Variants in FRMD4B observed in about 807,000 individuals in gnomAD.
The protein encoded by FRMD4B is FERM domain containing 4B.
A neutral mutation model predicts 141.5 loss-of-function variants in FRMD4B; 74 were observed. That is an observed-to-expected ratio of 0.52 (90% CI 0.43 to 0.63). The LOEUF (loss-of-function observed/expected upper bound fraction) is 0.63. FRMD4B is among the 30% of genes least tolerant of loss of function. The probability of loss-of-function intolerance (pLI) is 0.00; values close to 1 mark genes in which losing one functional copy is unlikely to be tolerated. For synonymous variants in FRMD4B, 506 were observed against 467.9 expected (o/e 1.08, Z -1.05); for missense variants, 1,366 against 1,253.4 (o/e 1.09, Z -1.36).
intron 2 of FRMD4B, among the ~76,000 whole-genome samples, chr3:69,410,864 T>G (rs1348578836): frequency 8.6e-5 from 13 of 150,650 alleles, no homozygotes; most frequent in Non-Finnish European, 3.0e-5. Context: ...GCTCAAGGAA[T>G]CCTCCCATCT....
chr3:69,474,444 G>A (rs1575815269), intron 1 of FRMD4B, among the ~76,000 whole-genome samples: 1 of 152,082 alleles, frequency 6.6e-6, no homozygotes, highest in African/African-American at 2.4e-5. Context: ...TCTAGTGTGT[G>A]TTCCAAGGGG....
chr3:69,383,288 G>C (rs368641517), intron 1 of FRMD4B, among the ~76,000 whole-genome samples: 2 of 152,102 alleles, frequency 1.3e-5, no homozygotes, highest in East Asian at 3.8e-4. Context: ...TATTTGAAAA[G>C]CATTAAAAAA....
At chr3:69,193,607 G>C (rs1157543874) in intron 17 of FRMD4B, 41 bp downstream of exon 17, 3 of 1,031,462 alleles carry the variant, frequency 2.9e-6, no homozygotes, top group Non-Finnish European at 2.8e-6. Flanking sequence ...ATGAAGTACT[G>C]AGTAGGGGAC....
chr3:69,208,909 G>A (rs1404472835), intron 11 of FRMD4B, among the ~76,000 whole-genome samples: 1 of 152,226 alleles, frequency 6.6e-6, no homozygotes, highest in Non-Finnish European at 1.5e-5. Context: ...ACTTTGGGAG[G>A]CTGAGGCAGG....
intron 2 of FRMD4B, among the ~76,000 whole-genome samples, chr3:69,403,713 T>C (rs1259381515): frequency 6.6e-6 from 1 of 152,064 alleles, no homozygotes; most frequent in Admixed American, 6.6e-5. Context: ...ATATGGACAT[T>C]TGAACCTTAC....
chr3:69,306,063 G>C (rs1337626597), intron 3 of FRMD4B, among the ~76,000 whole-genome samples: 1 of 152,046 alleles, frequency 6.6e-6, no homozygotes, highest in African/African-American at 2.4e-5. Context: ...ATAAGAAATA[G>C]TTTTTTAAAA....
chr3:69,183,296 C>T (rs1272792807), intron 19 of FRMD4B, among the ~76,000 whole-genome samples: 2 of 151,728 alleles, frequency 1.3e-5, no homozygotes, highest in Non-Finnish European at 2.9e-5. Flanking sequence ...GCTTTTGATC[C>T]CCCCACCACC....
intron 1 of FRMD4B, among the ~76,000 whole-genome samples, chr3:69,534,753 T>A (rs1415927721): frequency 1.3e-5 from 2 of 152,254 alleles, no homozygotes; most frequent in Non-Finnish European, 2.9e-5. Flanking sequence ...GGAGTCAGAA[T>A]GACCTGAAGT....
chr3:69,288,448 A>C (rs937634012), intron 4 of FRMD4B, among the ~76,000 whole-genome samples: 10 of 152,218 alleles, frequency 6.6e-5, no homozygotes, highest in African/African-American at 2.4e-4. Context: ...TCTCATGCAA[A>C]TCAGGGTATT....
chr3:69,258,798 G>T (rs1169000390), intron 5 of FRMD4B, among the ~76,000 whole-genome samples: 2 of 151,954 alleles, frequency 1.3e-5, no homozygotes, highest in Non-Finnish European at 2.9e-5. Context: ...GATTGGACTG[G>T]GACCTATCTC....
At chr3:69,263,819 T>C (rs1206954409) in intron 5 of FRMD4B, among the ~76,000 whole-genome samples, 5 of 67,780 alleles carry the variant, frequency 7.4e-5, no homozygotes, top group Non-Finnish European at 1.1e-4. Flanking sequence ...CCCCATTCCT[T>C]TTTTTTTTTT....
intron 1 of FRMD4B, among the ~76,000 whole-genome samples, chr3:69,339,380 C>T (rs1702659991): frequency 6.6e-6 from 1 of 152,114 alleles, no homozygotes; most frequent in Non-Finnish European, 1.5e-5. Context: ...CTGACACTAG[C>T]CGGTGGGACT....
intron 1 of FRMD4B, among the ~76,000 whole-genome samples, chr3:69,516,621 T>C (rs1487716592): frequency 6.6e-6 from 1 of 152,240 alleles, no homozygotes; most frequent in African/African-American, 2.4e-5. Flanking sequence ...AGAGCTATAA[T>C]GCAATAAATT....
intron 11 of FRMD4B, among the ~76,000 whole-genome samples, chr3:69,202,464 T>A: frequency 6.6e-6 from 1 of 151,124 alleles, no homozygotes; most frequent in African/African-American, 2.4e-5. Flanking sequence ...GCCAAAATTT[T>A]CACTATTAGA....
chr3:69,223,130 C>G (rs1369192783), intron 8 of FRMD4B, among the ~76,000 whole-genome samples: 1 of 152,148 alleles, frequency 6.6e-6, no homozygotes, highest in African/African-American at 2.4e-5. Context: ...AACTTGTTGA[C>G]TGGAAAGGAA....
Position 69,385,995 on chromosome 3 carries a change from C to A in FRMD4B, c.-6G>T. ...CACATGAACACCGAAGCCATGCCTCCTCCTTCGCTCTGAACCCGGGCGTCC... is the reference window on the plus strand; with the variant it reads ...CACATGAACACCGAAGCCATGCCTCATCCTTCGCTCTGAACCCGGGCGTCC... On this transcript the variant is annotated 5_prime_UTR_variant, in exon 1 of 23. In the 5' UTR this introduces an upstream ATG that the reference lacks. Transcript: ENST00000398540. 1 of 1,576,878 alleles carries A rather than the reference C, an allele frequency of 6.3e-7. No individual in the cohort carries two copies. Among genetic ancestry groups the A allele is most frequent in the East Asian group, 2.3e-5 (1 of 42,648 alleles).
In FRMD4B at chr3:69,420,315, C is replaced by G. The variant is rs1393645405; in HGVS notation, c.-1+12319G>C. Among the ~76,000 whole-genome samples, 5 of 141,388 alleles carry G rather than the reference C, an allele frequency of 3.5e-5. No individual in the cohort carries two copies. In the East Asian group the frequency reaches 1.1e-3, roughly 31 times the overall value. 92.8% of individuals were successfully genotyped at this position (141,388 alleles called of 152,430 possible). ...CAAAAAAAAAAAAAAACAACCAAAA[C>G]AACCCTACATTCTTTTCACCTATGG... On this transcript the variant is annotated intron_variant, in intron 2 of 5. Transcript: ENST00000459638.
intron 1 of FRMD4B, among the ~76,000 whole-genome samples, chr3:69,332,092 AAAAC>A (rs1218350629): frequency 3.3e-5 from 5 of 152,120 alleles, no homozygotes; most frequent in South Asian, 2.1e-4. Context: ...ATCTCAGAAA[AAAAC>A]AAACAAACAA....
intron 11 of FRMD4B, among the ~76,000 whole-genome samples, chr3:69,215,143 GTGC>G (rs1243574519): frequency 1.3e-5 from 2 of 151,720 alleles, no homozygotes; most frequent in Non-Finnish European, 2.9e-5. Context: ...GCCTCCCAAA[GTGC>G]TGGGATTACA....
Sources: allele counts gnomAD v4.1 joint callset (sites outside exome capture counted in the v4.1 genomes callset), GRCh38; gene constraint gnomAD v4.1.1; transcripts MANE v1.5; gene names NCBI Gene and HGNC (gene_info 2026-07-23, HGNC 2026-07-21).